The following FOXP1 variants were observed in gnomAD, a reference collection of about 807,000 sequenced individuals.
FOXP1 encodes the protein forkhead box P1, also known as forkhead box protein P1.
A neutral mutation model predicts 98.2 loss-of-function variants in FOXP1; 15 were observed. The ratio of observed to expected loss-of-function variants is 0.15; its 90% CI spans 0.10 to 0.24. The LOEUF is 0.24. FOXP1 is among the 10% of genes least tolerant of loss of function. The pLI is 1.00. For missense variants in FOXP1, 633 were observed against 848.5 expected (o/e 0.75, Z 3.15); for synonymous variants, 371 against 314.5 (o/e 1.18, Z -1.90).
chr3:71,228,786 AAC>A (rs1335094967), intron 5 of FOXP1, among the ~76,000 whole-genome samples: 2 of 152,218 alleles, frequency 1.3e-5, no homozygotes, highest in Non-Finnish European at 2.9e-5. Context: ...ATTAGTGACT[AAC>A]AGAGAAAATT....
chr3:71,058,590 A>G (rs1411734237), intron 7 of FOXP1, among the ~76,000 whole-genome samples: 2 of 151,796 alleles, frequency 1.3e-5, no homozygotes, highest in Non-Finnish European at 2.9e-5. Context: ...TAGCTCCATT[A>G]AAAGAGAGAG....
intron 11 of FOXP1, among the ~76,000 whole-genome samples, chr3:71,031,718 A>G (rs2046890984): frequency 1.3e-5 from 2 of 152,158 alleles, no homozygotes; most frequent in African/African-American, 4.8e-5. Context: ...TTCACAATGG[A>G]AAATGCTAAA....
intron 6 of FOXP1, among the ~76,000 whole-genome samples, chr3:71,172,014 A>G (rs965614647): frequency 3.9e-5 from 6 of 152,240 alleles, no homozygotes; most frequent in Non-Finnish European, 8.8e-5. Flanking sequence ...CATTAACATT[A>G]TTATACTAAG....
intron 2 of FOXP1, among the ~76,000 whole-genome samples, chr3:71,575,402 C>G (rs1253678213): frequency 6.6e-6 from 1 of 152,142 alleles, no homozygotes; most frequent in Admixed American, 6.5e-5. Context: ...CCATGTCAAT[C>G]AGCAAAAATT....
At chr3:70,967,038 A>T (rs971619866) in intron 19 of FOXP1, among the ~76,000 whole-genome samples, 2 of 152,246 alleles carry the variant, frequency 1.3e-5, no homozygotes, top group Admixed American at 6.5e-5. Flanking sequence ...AAAAACTGGC[A>T]GCTGTAATTA....
At chr3:71,279,742 C>A (rs189731456) in intron 5 of FOXP1, among the ~76,000 whole-genome samples, 1 of 152,036 alleles carries the variant, frequency 6.6e-6, no homozygotes, top group Non-Finnish European at 1.5e-5. Flanking sequence ...ATATGGGTAA[C>A]ATTTTTAAAT....
At chr3:71,284,100 A>G (rs1040950746) in intron 5 of FOXP1, among the ~76,000 whole-genome samples, 3 of 152,340 alleles carry the variant, frequency 2.0e-5, no homozygotes, top group African/African-American at 7.2e-5. Flanking sequence ...TGATTAAACA[A>G]AAAAATGTTG....
rs72029323 is a variant in FOXP1 at position 71,112,125 on chromosome 3, T to TGGG, written c.282+408_282+410dup. Among the ~76,000 whole-genome samples the TGGG allele has an allele frequency of 2.0e-3, 34 of 16,900 alleles. No homozygotes were observed. The East Asian group carries it at 0.025, about 13-fold the overall frequency. The allele number at this position is 16,900 out of a possible 152,430, so 11.1% of individuals were successfully genotyped here. A position where few individuals can be genotyped will look rare whatever the true frequency, so the allele number is the denominator to read the frequency against. On this transcript the variant is annotated intron_variant, in intron 7 of 20. Transcript: ENST00000649528. The stretch of plus-strand genomic sequence containing the variant: ...TGTCTCCTGGTGGTGGGTGGGGGGG[T>TGGG]GGGGGGGTCGCCAAAATCTTCCCAA...
At chr3:71,126,566 G>A (rs1223595454) in intron 6 of FOXP1, among the ~76,000 whole-genome samples, 1 of 151,994 alleles carries the variant, frequency 6.6e-6, no homozygotes, top group Non-Finnish European at 1.5e-5. Flanking sequence ...GCTCACGCCT[G>A]TAATCCCAGC....
intron 4 of FOXP1, among the ~76,000 whole-genome samples, chr3:71,344,454 G>A (rs1024319070): frequency 3.3e-5 from 5 of 152,134 alleles, no homozygotes; most frequent in Non-Finnish European, 7.3e-5. Context: ...CAAATAATAT[G>A]TCCACTAATC....
chr3:71,029,586 T>C (rs2046589751), intron 11 of FOXP1, among the ~76,000 whole-genome samples: 1 of 152,116 alleles, frequency 6.6e-6, no homozygotes, highest in South Asian at 2.1e-4. Context: ...AGACAGGGTC[T>C]CACTATATTG....
chr3:71,215,079 C>T (rs2064821364), intron 5 of FOXP1, among the ~76,000 whole-genome samples: 1 of 152,304 alleles, frequency 6.6e-6, no homozygotes, highest in African/African-American at 2.4e-5. Context: ...TTTAAAATAT[C>T]CCCAAGGTGA....
intron 5 of FOXP1, among the ~76,000 whole-genome samples, chr3:71,235,910 G>A (rs1395923804): frequency 6.6e-6 from 1 of 152,148 alleles, no homozygotes. Flanking sequence ...ATACTGTAAG[G>A]TAAATTCTGT....
chr3:71,060,415 G>C (rs1266252306), intron 7 of FOXP1, among the ~76,000 whole-genome samples: 2 of 151,970 alleles, frequency 1.3e-5, no homozygotes, highest in Non-Finnish European at 2.9e-5. Flanking sequence ...TTATAATGAA[G>C]ACAAAGCCCA....
chr3:71,496,019 C>A (rs11720523), intron 2 of FOXP1, among the ~76,000 whole-genome samples: 52,861 of 152,052 alleles, frequency 0.35, 9,962 homozygotes, highest in Non-Finnish European at 0.42. Context: ...GCCACATGGG[C>A]ACATACCCTC....
chr3:71,058,321 A>T (rs2050962539), intron 7 of FOXP1, among the ~76,000 whole-genome samples: 1 of 152,240 alleles, frequency 6.6e-6, no homozygotes, highest in Non-Finnish European at 1.5e-5. Flanking sequence ...GTGTATACAA[A>T]TAATAAAAAG....
intron 6 of FOXP1, among the ~76,000 whole-genome samples, chr3:71,124,173 A>G (rs2058990305): frequency 6.6e-6 from 1 of 151,896 alleles, no homozygotes; most frequent in Non-Finnish European, 1.5e-5. Flanking sequence ...GGACTCCATT[A>G]TGTCTATTAT....
At chr3:71,348,522 CGTGTGTGTGT>C (rs772944612) in intron 4 of FOXP1, among the ~76,000 whole-genome samples, 81 of 70,002 alleles carry the variant, frequency 1.2e-3, no homozygotes, top group Admixed American at 2.7e-3. Context: ...TGTGTGTGTG[CGTGTGTGTGT>C]GTGTGTGTGT....
At chr3:71,011,839 C>T (rs1468439446) in intron 12 of FOXP1, among the ~76,000 whole-genome samples, 2 of 152,076 alleles carry the variant, frequency 1.3e-5, no homozygotes, top group African/African-American at 4.8e-5. Flanking sequence ...TATACAAGTG[C>T]CAGACTTCTA....
Sources: gnomAD v4.1 joint callset for allele counts (sites outside exome capture counted in the v4.1 genomes callset) on GRCh38, gnomAD v4.1.1 for gene constraint, MANE v1.5 for transcripts, NCBI Gene and HGNC (gene_info 2026-07-23, HGNC 2026-07-21) for gene names.